Variants in C11orf24 observed in about 807,000 individuals in gnomAD.
C11orf24 encodes uncharacterized protein C11orf24.
A neutral mutation model predicts 7.3 loss-of-function variants in C11orf24; 5 were observed. That is an observed-to-expected ratio of 0.69 (90% CI 0.36 to 1.45). The LOEUF (loss-of-function observed/expected upper bound fraction) is 1.45. Ranked by LOEUF, C11orf24 falls within the 40% of genes most tolerant of loss-of-function variation. C11orf24 has a pLI of 0.03. For missense variants in C11orf24, 566 were observed against 590.5 expected, an observed-to-expected ratio of 0.96 and a Z score of 0.43; for synonymous variants, 233 against 235.7, an observed-to-expected ratio of 0.99 and a Z score of 0.11.
chr11:68,265,156 G>C (rs1209752029), intron 2 of C11orf24, among the ~76,000 whole-genome samples: 1 of 152,218 alleles, frequency 6.6e-6, no homozygotes, highest in Non-Finnish European at 1.5e-5. Flanking sequence ...AGCAGGGTCA[G>C]AGGCAAGGAA....
chr11:68,263,585 C>T (rs951385927), intron 3 of C11orf24, 107 bp downstream of exon 3: 15 of 1,007,140 alleles, frequency 1.5e-5, no homozygotes, highest in Non-Finnish European at 2.2e-5. Flanking sequence ...GGGAGGGCTG[C>T]GGTTCCTGAC....
chr11:68,265,254 G>A (rs1043061812), intron 2 of C11orf24, among the ~76,000 whole-genome samples: 7 of 152,166 alleles, frequency 4.6e-5, no homozygotes, highest in African/African-American at 9.7e-5. Flanking sequence ...AGGGGGATGC[G>A]AGTCCCTCCG....
At chr11:68,266,234 G>A (rs1307683702) in intron 2 of C11orf24, among the ~76,000 whole-genome samples, 1 of 152,210 alleles carries the variant, frequency 6.6e-6, no homozygotes, top group Non-Finnish European at 1.5e-5. Context: ...GGATCACACG[G>A]GCAAGGACCC....
intron 1 of C11orf24, among the ~76,000 whole-genome samples, chr11:68,269,574 G>A (rs778045072): frequency 5.9e-5 from 9 of 152,166 alleles, no homozygotes; most frequent in East Asian, 1.9e-4. Flanking sequence ...GCTTGTGTGC[G>A]CACAGCTGCA....
chr11:68,267,861 A>G (rs1029704044), intron 2 of C11orf24, 193 bp downstream of exon 2: 2 of 152,288 alleles, frequency 1.3e-5, no homozygotes, highest in African/African-American at 4.8e-5. Context: ...TCAAACAAAC[A>G]AACAAAAAAA....
chr11:68,261,482 C>T lies in C11orf24; in HGVS notation c.*163G>A. On this transcript the variant is annotated 3_prime_UTR_variant, in exon 4 of 4. Coordinates refer to ENST00000304271, the MANE Select transcript of C11orf24 (RefSeq NM_022338.4). ...AATAAATATGAAAAAAGCAGCAACT[C>T]TTTAGTGATCATGGAATTAATCTGA... The T allele has an allele frequency of 1.6e-6, 1 of 630,548 alleles. No individual in the cohort carries two copies. Among genetic ancestry groups the T allele is most frequent in the Non-Finnish European group, 2.7e-6 (1 of 370,046 alleles). 39.1% of individuals were successfully genotyped at this position (630,548 alleles called of 1,614,324 possible).
chr11:68,264,540 A>ACCCATCCACCCACCCACTCT (rs2098563711), intron 2 of C11orf24, among the ~76,000 whole-genome samples: 1 of 110,586 alleles, frequency 9.0e-6, no homozygotes, highest in Non-Finnish European at 1.9e-5. Context: ...CCATCCATCC[A>ACCCATCCACCCACCCACTCT]TCCATCCATC....
Position 68,263,850 on chromosome 11 carries a change from C to T in C11orf24, c.-83G>A, listed in dbSNP as rs932473198. The T allele has an allele frequency of 2.5e-5, 30 of 1,213,752 alleles. No homozygotes were observed. In the African/African-American group the frequency reaches 4.0e-4, roughly 16 times the overall value. 75.2% of individuals were successfully genotyped at this position (1,213,752 alleles called of 1,614,324 possible). On this transcript the variant is annotated 5_prime_UTR_variant, in exon 3 of 4. Transcript: ENST00000304271. ...TCCTCAGGCTGCTAATGGTTCCCTC[C>T]TGCTTGGCCAAGGGATCTGTGGTCA...
intron 2 of C11orf24, among the ~76,000 whole-genome samples, chr11:68,266,221 A>G (rs1270951911): frequency 6.6e-6 from 1 of 152,214 alleles, no homozygotes; most frequent in African/African-American, 2.4e-5. Flanking sequence ...GACATGGGAC[A>G]TGGGATCACA....
At chr11:68,268,930 T>C (rs2098566547) in intron 1 of C11orf24, among the ~76,000 whole-genome samples, 1 of 152,170 alleles carries the variant, frequency 6.6e-6, no homozygotes, top group East Asian at 1.9e-4. Flanking sequence ...TGGGAAGATA[T>C]ATAGCATGCA....
Position 68,261,884 on chromosome 11 carries a change from G to T in C11orf24, c.1111C>A (p.Pro371Thr). 3.7e-6 allele frequency: 6 copies of T among 1,614,014 alleles called. No homozygotes were observed. Among genetic ancestry groups the T allele is most frequent in the Non-Finnish European group, 5.1e-6 (6 of 1,180,034 alleles). ...CTGGGCTGGCACGAGTCCGTGGCTG[G>T]CATCTTAGTGCCCCCTGAGCTCCTG... ...TPRSSGGTKM[P>T]ATDSCQPSTQ... The change falls in exon 4 of 4, where the codon CCA becomes ACA. Residue 371 changes from proline (P) to threonine (T), a missense_variant. Coordinates refer to ENST00000304271, the MANE Select transcript of C11orf24 (RefSeq NM_022338.4).
chr11:68,264,542 C>CTACCTACT (rs141354305), intron 2 of C11orf24, among the ~76,000 whole-genome samples: 2 of 71,924 alleles, frequency 2.8e-5, no homozygotes, highest in African/African-American at 6.2e-5. Context: ...ATCCATCCAT[C>CTACCTACT]CATCCATCCA....
intron 2 of C11orf24, among the ~76,000 whole-genome samples, chr11:68,264,699 C>T (rs1229830753): frequency 1.1e-4 from 14 of 131,208 alleles, no homozygotes; most frequent in African/African-American, 1.5e-4. Flanking sequence ...CATCCATCCA[C>T]CCACCCACCC....
chr11:68,261,980 C>CTGGCCCAGCGGCCCTCTGGGTATA lies in C11orf24; in HGVS notation c.991_1014dup (p.Tyr331_Pro338dup). 6.2e-7 allele frequency: 1 copy of CTGGCCCAGCGGCCCTCTGGGTATA among 1,613,980 alleles called. No homozygotes were observed. Among genetic ancestry groups the CTGGCCCAGCGGCCCTCTGGGTATA allele is most frequent in the Non-Finnish European group, 8.5e-7 (1 of 1,180,036 alleles). The stretch of plus-strand genomic sequence containing the variant: ...ACCTGCTCCGGTGCCTGGGATGTGC[C>CTGGCCCAGCGGCCCTCTGGGTATA]TGGCCCAGCGGCCCTCTGGGTATAT... On this transcript the variant is annotated inframe_insertion, in exon 4 of 4. Coordinates refer to ENST00000304271, the MANE Select transcript of C11orf24 (RefSeq NM_022338.4).
intron 2 of C11orf24, among the ~76,000 whole-genome samples, chr11:68,264,502 CCACT>C (rs1188737170): frequency 7.6e-4 from 70 of 92,712 alleles, no homozygotes; most frequent in Non-Finnish European, 1.5e-3. Flanking sequence ...ATCCATCCAC[CCACT>C]CATCCATCCA....
rs774065222 is a variant in C11orf24, at chr11:68,262,452, G to T, written c.543C>A (p.Thr181=). Residue 181 remains threonine, a synonymous_variant, in exon 4 of 4, where the codon ACC becomes ACA. Coordinates refer to ENST00000304271, the MANE Select transcript of C11orf24 (RefSeq NM_022338.4). The part of the protein sequence containing the change: ...STSTGRTPST[T]ATGHPSLSTA... ...TGCTGAGAGATGGATGCCCAGTGGC[G>T]GTAGTGGACGGGGTCCGCCCTGTGG... is the stretch of plus-strand genomic sequence containing the variant. 1.9e-6 allele frequency: 3 copies of T among 1,614,154 alleles called. 1 individual carries two copies. In the South Asian group the frequency reaches 3.3e-5, roughly 18 times the overall value.
chr11:68,266,578 T>C (rs1159493912), intron 2 of C11orf24, among the ~76,000 whole-genome samples: 1 of 151,832 alleles, frequency 6.6e-6, no homozygotes, highest in African/African-American at 2.4e-5. Flanking sequence ...AGATCTAGAG[T>C]GCAAAAAGCA....
At chr11:68,270,603 G>A (rs1245953335) in intron 1 of C11orf24, among the ~76,000 whole-genome samples, 4 of 151,172 alleles carry the variant, frequency 2.6e-5, no homozygotes, top group African/African-American at 9.8e-5. Flanking sequence ...AAAAAAAAAG[G>A]GAAAGAAATA....
intron 2 of C11orf24, among the ~76,000 whole-genome samples, chr11:68,265,781 C>T (rs949989509): frequency 1.3e-5 from 2 of 152,174 alleles, no homozygotes; most frequent in African/African-American, 4.8e-5. Context: ...GCTATTGTGC[C>T]CGGCCCTTAA....
Sources: allele counts gnomAD v4.1 joint callset (sites outside exome capture counted in the v4.1 genomes callset), GRCh38; gene constraint gnomAD v4.1.1; transcripts MANE v1.5; gene names NCBI Gene and HGNC (gene_info 2026-07-23, HGNC 2026-07-21).